The following KIRREL3 variants were observed in gnomAD, a reference collection of about 807,000 sequenced individuals.
The protein encoded by KIRREL3 is kin of IRRE-like protein 3.
In KIRREL3, 36 loss-of-function variants were observed where a neutral mutation model predicts 89.7. The observed-to-expected ratio is 0.40, with a 90% CI of 0.31 to 0.53. The LOEUF is 0.53. Among genes scored for constraint, KIRREL3 ranks in the 20% least tolerant of loss-of-function variants. The pLI is 0.49. For synonymous variants in KIRREL3, 445 were observed against 441.4 expected (o/e 1.01, Z -0.10); for missense variants, 864 against 1,056.6 (o/e 0.82, Z 2.53).
rs113397772 is a variant in KIRREL3 at position 126,477,812 on chromosome 11, C to T, written c.434-4346G>A. Among the ~76,000 whole-genome samples, 5 of 152,214 alleles carry T rather than the reference C, an allele frequency of 3.3e-5. No individual in the cohort carries two copies. Among genetic ancestry groups the T allele is most frequent in the Non-Finnish European group, 5.9e-5 (4 of 68,004 alleles). On this transcript the variant is annotated intron_variant, in intron 4 of 16. Coordinates refer to ENST00000525144, the MANE Select transcript of KIRREL3 (RefSeq NM_032531.4). This position sits in a 1 kb window ranked among gnomAD's most constrained non-coding sequence, Gnocchi z 4.8. ...TGGTTGGTCTCTGAGCATGGCTGAT[C>T]GGTGGCAGCTGGAGGGGTGGGGGAC...
chr11:126,450,209 G>C (rs1008323550), intron 7 of KIRREL3, among the ~76,000 whole-genome samples: 2 of 151,998 alleles, frequency 1.3e-5, no homozygotes, highest in African/African-American at 2.4e-5. Flanking sequence ...TCATGTGAAT[G>C]TGTGCATGTA....
Position 126,656,239 on chromosome 11 carries a change from C to A in KIRREL3, c.56-93327G>T, listed in dbSNP as rs536524588. The stretch of plus-strand genomic sequence containing the variant: ...TCAGAAAGATGCCTGTTGGTTCTGC[C>A]GTTCATATCTGTGAGATATCAGGCT... On this transcript the variant is annotated intron_variant, in intron 1 of 16. Coordinates refer to ENST00000525144, the MANE Select transcript of KIRREL3 (RefSeq NM_032531.4). This position sits in a 1 kb window ranked among gnomAD's most constrained non-coding sequence, Gnocchi z 4.0. The A allele has an allele frequency of 2.2e-6, 1 of 447,766 alleles. No homozygotes were observed. Among genetic ancestry groups the A allele is most frequent in the South Asian group, 1.6e-5 (1 of 63,252 alleles). 27.7% of individuals were successfully genotyped at this position (447,766 alleles called of 1,614,324 possible).
At chr11:126,777,699 A>C (rs1950209069) in intron 1 of KIRREL3, among the ~76,000 whole-genome samples, 1 of 152,208 alleles carries the variant, frequency 6.6e-6, no homozygotes, top group South Asian at 2.1e-4. Flanking sequence ...AACCACGTAG[A>C]TATTTCTATC....
intron 1 of KIRREL3, among the ~76,000 whole-genome samples, chr11:126,889,378 C>T (rs1340442469): frequency 6.6e-6 from 1 of 152,198 alleles, no homozygotes; most frequent in African/African-American, 2.4e-5. Flanking sequence ...TGACATTCGT[C>T]ATCATTACTG....
At position 126,810,911 on chromosome 11, in the gene KIRREL3, C is replaced by T. The variant is rs1174051292; in HGVS notation, c.55+189544G>A. 3.3e-5 allele frequency among the ~76,000 whole-genome samples: 5 copies of T among 152,218 alleles called. No individual in the cohort carries two copies. In the South Asian group the frequency reaches 1.0e-3, roughly 32 times the overall value. On this transcript the variant is annotated intron_variant, in intron 1 of 16. Coordinates refer to ENST00000525144, the MANE Select transcript of KIRREL3 (RefSeq NM_032531.4). ...GGAGGTTGTCTTAAGCCCCTCAAGCCCGGGCTCTCTCCCTGACAGCTGTGG... is the reference window on the plus strand; with the variant it reads ...GGAGGTTGTCTTAAGCCCCTCAAGCTCGGGCTCTCTCCCTGACAGCTGTGG...
At chr11:126,451,359 AGT>A (rs1281740549) in intron 7 of KIRREL3, among the ~76,000 whole-genome samples, 7 of 39,212 alleles carry the variant, frequency 1.8e-4, no homozygotes, top group East Asian at 7.9e-4. Context: ...TGCGTATGTG[AGT>A]GTGACTATGT....
In KIRREL3 at chr11:126,428,838, AG is replaced by A. The variant is rs563079646; in HGVS notation, c.1806+340del. ...ATTTTTGTATTTTTAGTAGAGATGT[AG>A]TTTCACCATGTTGGCCAGGCTGGTC... On this transcript the variant is annotated intron_variant, in intron 15 of 16. Coordinates refer to ENST00000525144, the MANE Select transcript of KIRREL3 (RefSeq NM_032531.4). This position sits in a 1 kb window ranked among gnomAD's most constrained non-coding sequence, Gnocchi z 6.4. Among the ~76,000 whole-genome samples, 3 of 152,168 alleles carry A rather than the reference AG, an allele frequency of 2.0e-5. No homozygotes were observed. The South Asian group carries it at 6.2e-4, about 32-fold the overall frequency.
intron 2 of KIRREL3, among the ~76,000 whole-genome samples, chr11:126,534,651 C>T (rs920364430): frequency 6.6e-6 from 1 of 152,152 alleles, no homozygotes; most frequent in African/African-American, 2.4e-5. Context: ...AGCACTGCGC[C>T]ATCTGTCCCG....
At chr11:126,935,826 A>T (rs1008414963) in intron 1 of KIRREL3, 2 of 152,186 alleles carry the variant, frequency 1.3e-5, no homozygotes, top group African/African-American at 4.8e-5. Flanking sequence ...CATGTGTTCA[A>T]ACCCATAACA....
intron 1 of KIRREL3, among the ~76,000 whole-genome samples, chr11:126,836,501 C>T (rs1455692220): frequency 6.6e-6 from 1 of 152,218 alleles, no homozygotes; most frequent in African/African-American, 2.4e-5. Flanking sequence ...CAGTTCAAAA[C>T]ATCTTTACTG....
chr11:126,567,866 G>A (rs900663860), intron 1 of KIRREL3, among the ~76,000 whole-genome samples: 2 of 152,084 alleles, frequency 1.3e-5, no homozygotes, highest in African/African-American at 2.4e-5. Flanking sequence ...AGATGGAGCC[G>A]GTGACAACGG....
chr11:126,826,316 T>A (rs771466437), intron 1 of KIRREL3, among the ~76,000 whole-genome samples: 1 of 152,182 alleles, frequency 6.6e-6, no homozygotes, highest in Non-Finnish European at 1.5e-5. Flanking sequence ...GCAGATTGAA[T>A]GAATGGAGAA....
intron 4 of KIRREL3, among the ~76,000 whole-genome samples, chr11:126,511,881 G>A (rs979419366): frequency 4.6e-5 from 7 of 152,166 alleles, no homozygotes; most frequent in Non-Finnish European, 7.4e-5. Context: ...ACGGAGAAGC[G>A]GCGGGTTATT....
chr11:126,896,284 C>T lies in KIRREL3; in HGVS notation c.55+104171G>A, dbSNP rs754978742. On this transcript the variant is annotated intron_variant, in intron 1 of 16. Transcript: ENST00000525144. The surrounding 1 kb of genome is among the most constrained non-coding windows in gnomAD (Gnocchi z 4.1). ...TAACCCTATACCATCCAAGACAGAACTCTGCTAGTCTGCAAGGATGAACAT... is the reference window on the plus strand; with the variant it reads ...TAACCCTATACCATCCAAGACAGAATTCTGCTAGTCTGCAAGGATGAACAT... Among the ~76,000 whole-genome samples, 37 of 152,240 alleles carry T rather than the reference C, an allele frequency of 2.4e-4. No individual in the cohort carries two copies. Among genetic ancestry groups the T allele is most frequent in the Admixed American group, 3.3e-4 (5 of 15,290 alleles).
intron 1 of KIRREL3, among the ~76,000 whole-genome samples, chr11:126,584,566 G>A (rs2134679657): frequency 6.6e-6 from 1 of 152,350 alleles, no homozygotes; most frequent in East Asian, 1.9e-4. Context: ...GCAGAGGGGA[G>A]CAAAGGTGGT....
At chr11:126,613,894 A>AT (rs66779566) in intron 1 of KIRREL3, among the ~76,000 whole-genome samples, 12,714 of 84,240 alleles carry the variant, frequency 0.15, 419 homozygotes, top group East Asian at 0.32. Flanking sequence ...TTTTTTTTTT[A>AT]TTTTTTTCCC....
chr11:126,707,246 CTTTTTT>C (rs33983436), intron 1 of KIRREL3, among the ~76,000 whole-genome samples: 1 of 112,602 alleles, frequency 8.9e-6, no homozygotes, highest in Non-Finnish European at 1.8e-5. Flanking sequence ...TTGTCCATGG[CTTTTTT>C]TTTTTTTTTT....
rs55838363 is a variant in KIRREL3 at position 126,521,676 on chromosome 11, ATGTGTGTGTGTGTG to A, written c.284-226_284-213del. On this transcript the variant is annotated intron_variant, in intron 3 of 16. Coordinates refer to ENST00000525144, the MANE Select transcript of KIRREL3 (RefSeq NM_032531.4). This position sits in a 1 kb window ranked among gnomAD's most constrained non-coding sequence, Gnocchi z 4.1. Reference sequence around the variant, plus strand: ...GTTGGTTCTCTCTCTCTCTCTCTGTATGTGTGTGTGTGTGTGTGTGTGTGTGTGTGTGTGTGTGT... The same window carrying A: ...GTTGGTTCTCTCTCTCTCTCTCTGTATGTGTGTGTGTGTGTGTGTGTGTGT... Among the ~76,000 whole-genome samples, 11,963 of 143,296 alleles carry A rather than the reference ATGTGTGTGTGTGTG, an allele frequency of 0.083. 576 individuals carry two copies. The highest frequency in any genetic ancestry group is 0.12 in the African/African-American group (4,585 of 38,540). The allele number at this position is 143,296 out of a possible 152,430, so 94.0% of individuals were successfully genotyped here. A position where few individuals can be genotyped will look rare whatever the true frequency, so the allele number is the denominator to read the frequency against.
At chr11:126,426,869 T>G (rs1591514307) in intron 15 of KIRREL3, among the ~76,000 whole-genome samples, 2 of 152,256 alleles carry the variant, frequency 1.3e-5, no homozygotes, top group African/African-American at 4.8e-5. Context: ...GCTCTGGCAC[T>G]GTCTGGACTG....
Sources: gnomAD v4.1 joint callset for allele counts (sites outside exome capture counted in the v4.1 genomes callset) on GRCh38, gnomAD v4.1.1 for gene constraint, Gnocchi (gnomAD v3.1) non-coding constraint, MANE v1.5 for transcripts, NCBI Gene and HGNC (gene_info 2026-07-23, HGNC 2026-07-21) for gene names.